GSE1: variants seen among roughly 807,000 people sequenced by gnomAD.
The protein encoded by GSE1 is Gse1 coiled-coil protein.
Under a neutral mutation model 112.6 loss-of-function variants are expected in GSE1, and 32 were observed. The observed-to-expected ratio is 0.28, with a 90% CI of 0.21 to 0.38. GSE1 has a LOEUF of 0.38. Among genes scored for constraint, GSE1 ranks in the 10% least tolerant of loss-of-function variants. The pLI is 1.00. For missense variants in GSE1, 2,348 were observed against 1,699.2 expected (o/e 1.38, Z -6.71); for synonymous variants, 1,115 against 735.6 (o/e 1.52, Z -8.35).
chr16:85,246,310 TACAC>T (rs779606538), intron 1 of GSE1, among the ~76,000 whole-genome samples: 335 of 21,702 alleles, frequency 0.015, 4 homozygotes, highest in Non-Finnish European at 0.024. Context: ...ACACGCTGTC[TACAC>T]ACACACACAC....
At chr16:85,551,230 G>A (rs1470243842), upstream of GSE1, among the ~76,000 whole-genome samples, 3 of 152,220 alleles carry the variant, frequency 2.0e-5, no homozygotes, top group Non-Finnish European at 4.4e-5. Context: ...GGAGAAGTGT[G>A]GGTGGAGAGA....
intron 8 of GSE1, chr16:85,659,752 A>G (rs2052277646): frequency 6.6e-6 from 1 of 152,272 alleles, no homozygotes; most frequent in Non-Finnish European, 1.5e-5. Context: ...CACTGAGGAA[A>G]CAAGCCATTT....
At chr16:85,468,949 C>T (rs72798985) in intron 2 of GSE1, among the ~76,000 whole-genome samples, 1,640 of 152,238 alleles carry the variant, frequency 0.011, 16 homozygotes, top group Non-Finnish European at 0.018. Context: ...GAGCTAAAAT[C>T]ATCTTGTATT....
chr16:85,210,128 C>G (rs550462255), intron 1 of GSE1, among the ~76,000 whole-genome samples: 1 of 152,118 alleles, frequency 6.6e-6, no homozygotes, highest in Non-Finnish European at 1.5e-5. Flanking sequence ...AGTTCTGTGT[C>G]GTATTCGTCT....
At chr16:85,462,624 A>G (rs1286587945) in intron 2 of GSE1, among the ~76,000 whole-genome samples, 2 of 147,772 alleles carry the variant, frequency 1.4e-5, no homozygotes, top group Admixed American at 6.7e-5. Context: ...CAGTCTTGAC[A>G]AGCGCGTTAT....
chr16:85,547,193 G>T (rs1053056462), intron 2 of GSE1, among the ~76,000 whole-genome samples: 2 of 152,226 alleles, frequency 1.3e-5, no homozygotes, highest in Non-Finnish European at 2.9e-5. Flanking sequence ...GCTTCCCAGG[G>T]CTGGTGGGAC....
chr16:85,172,261 C>T (rs2074371966), intron 1 of GSE1, among the ~76,000 whole-genome samples: 1 of 152,204 alleles, frequency 6.6e-6, no homozygotes, highest in South Asian at 2.1e-4. Context: ...GTTCTAGCTC[C>T]CGTGTGGCTT....
intron 9 of GSE1, 105 bp downstream of exon 9, chr16:85,661,870 G>T (rs187579486): frequency 8.4e-7 from 1 of 1,185,480 alleles, no homozygotes; most frequent in East Asian, 2.6e-5. Context: ...CCTGCTTTTT[G>T]CCTGGGGTAG....
At chr16:85,528,658 GTTTTGTTTT>G (rs2052444323) in intron 2 of GSE1, among the ~76,000 whole-genome samples, 1 of 151,432 alleles carries the variant, frequency 6.6e-6, no homozygotes, top group Non-Finnish European at 1.5e-5. Flanking sequence ...GTTTTGTTTT[GTTTTGTTTT>G]GTTTTGTTTT....
At chr16:85,506,404 A>T (rs1267259923) in intron 2 of GSE1, among the ~76,000 whole-genome samples, 2 of 152,002 alleles carry the variant, frequency 1.3e-5, no homozygotes, top group Non-Finnish European at 2.9e-5. Context: ...CAGCTGATGG[A>T]TGGCGTCCAA....
intron 2 of GSE1, among the ~76,000 whole-genome samples, chr16:85,507,691 T>C (rs974749131): frequency 4.6e-5 from 7 of 152,080 alleles, no homozygotes; most frequent in Admixed American, 1.3e-4. Flanking sequence ...ACCAGTCCTA[T>C]TGGATTAGGG....
intron 2 of GSE1, among the ~76,000 whole-genome samples, chr16:85,505,843 A>T (rs1221635656): frequency 6.6e-6 from 1 of 152,132 alleles, no homozygotes; most frequent in Non-Finnish European, 1.5e-5. Context: ...CTCTATAAAA[A>T]ATAAAAATAA....
At chr16:85,203,618 C>G (rs957599427) in intron 1 of GSE1, among the ~76,000 whole-genome samples, 1 of 152,214 alleles carries the variant, frequency 6.6e-6, no homozygotes, top group Non-Finnish European at 1.5e-5. Context: ...CAGCCAAGGC[C>G]AAGCAGTGGG....
At position 85,203,335 on chromosome 16, in the gene GSE1, A is replaced by T. The variant is rs765796366; in HGVS notation, c.2283+31528A>T. Among the ~76,000 whole-genome samples, 3 of 152,274 alleles carry T rather than the reference A, an allele frequency of 2.0e-5. No homozygotes were observed. In the East Asian group the frequency reaches 5.8e-4, roughly 29 times the overall value. ...TGGTGAAGCAGGCACACCTGTGTCC[A>T]GGTCCAGTCTAAAGGTGGGGCAGGT... is the stretch of plus-strand genomic sequence containing the variant. On this transcript the variant is annotated intron_variant, in intron 1 of 2. Transcript: ENST00000637419.
intron 1 of GSE1, among the ~76,000 whole-genome samples, chr16:85,335,623 C>T (rs1236560436): frequency 1.3e-5 from 2 of 152,166 alleles, no homozygotes; most frequent in Non-Finnish European, 2.9e-5. Flanking sequence ...GTGCCCGGCT[C>T]CTCCCACAGC....
chr16:85,638,300 GA>G (rs774249610), intron 2 of GSE1, among the ~76,000 whole-genome samples: 3 of 152,156 alleles, frequency 2.0e-5, no homozygotes, highest in Non-Finnish European at 1.5e-5. Flanking sequence ...TATTTTTCTG[GA>G]GGCGCTGAGA....
chr16:85,656,477 G>C lies in GSE1; in HGVS notation c.1124G>C (p.Arg375Pro). ...AAGGAGCGCGAGCAAGAGAAGGAGC[G>C]TGAGCGTGAGAAGGAGCGCGAGCGC... The part of the protein sequence containing the change: ...REKEREQEKE[R>P]EREKEREREL... The change falls in exon 7 of 16, where the codon CGT (arginine) becomes CCT (proline). Residue 375 changes from arginine to proline, a missense_variant. Arg to Pro is a moderately radical substitution (Grantham distance 103). Transcript: ENST00000253458. The C allele has an allele frequency of 6.5e-7, 1 of 1,531,078 alleles. No homozygotes were observed. The highest frequency in any genetic ancestry group is 8.9e-7 in the Non-Finnish European group (1 of 1,129,790). The allele number at this position is 1,531,078 out of a possible 1,614,324, so 94.8% of individuals were successfully genotyped here.
intron 1 of GSE1, among the ~76,000 whole-genome samples, chr16:85,211,045 A>T (rs1483559317): frequency 6.6e-6 from 1 of 152,206 alleles, no homozygotes; most frequent in Non-Finnish European, 1.5e-5. Context: ...GGTTTTGCTG[A>T]TACTGGCTGT....
intron 2 of GSE1, among the ~76,000 whole-genome samples, chr16:85,358,707 C>G (rs1411207932): frequency 6.6e-6 from 1 of 152,140 alleles, no homozygotes; most frequent in Non-Finnish European, 1.5e-5. Context: ...AGGGGCTGGC[C>G]AGGGGCTTTA....
Sources: allele counts gnomAD v4.1 joint callset (sites outside exome capture counted in the v4.1 genomes callset), GRCh38; gene constraint gnomAD v4.1.1; transcripts MANE v1.5; gene names NCBI Gene and HGNC (gene_info 2026-07-23, HGNC 2026-07-21).